CASTOR1: variants seen among roughly 807,000 people sequenced by gnomAD.
CASTOR1 encodes the protein GATS protein like 3.
A neutral mutation model predicts 33.7 loss-of-function variants in CASTOR1; 18 were observed. The ratio of observed to expected loss-of-function variants is 0.53; its 90% confidence interval spans 0.37 to 0.79. The LOEUF (loss-of-function observed/expected upper bound fraction) is 0.79, where lower values mean the gene tolerates loss of function less well. Among genes scored for constraint, CASTOR1 ranks in the 30% least tolerant of loss-of-function variants. The pLI is 0.00. For synonymous variants in CASTOR1, 175 were observed against 190.6 expected, an observed-to-expected ratio of 0.92 and a Z score of 0.67; for missense variants, 362 against 446.3, an observed-to-expected ratio of 0.81 and a Z score of 1.70.
chr22:30,285,985 C>T (rs1273484971), intron 7 of CASTOR1, 31 bp downstream of exon 7: 3 of 1,581,656 alleles, frequency 1.9e-6, no homozygotes, highest in East Asian at 2.3e-5. Flanking sequence ...CAGACACTCC[C>T]CAGCCCCCCA....
Position 30,289,505 on chromosome 22 carries a change from C to G in CASTOR1, c.-8G>C, listed in dbSNP as rs763952194. The G allele has an allele frequency of 6.5e-7, 1 of 1,543,158 alleles. No homozygotes were observed. The highest frequency in any genetic ancestry group is 8.7e-7 in the Non-Finnish European group (1 of 1,151,702). ...TAGGATGTGCAGCTCCATCGCGGCT[C>G]GCGCGGACCCGACCCCGCCGCCAAC... On this transcript the variant is annotated 5_prime_UTR_variant, in exon 1 of 9. Transcript: ENST00000407689.
At position 30,287,262 on chromosome 22, in the gene CASTOR1, A is replaced by T; in HGVS notation, c.398T>A (p.Val133Glu). Residue 133 changes from valine (V) to glutamate (E), a missense_variant, in exon 4 of 9, where the codon GTG becomes GAG. By Grantham distance (121) the Val-to-Glu change is moderately radical. Coordinates refer to ENST00000407689, the MANE Select transcript of CASTOR1 (RefSeq NM_001037666.3). ...GAACTCCTGGGCCAGCGTGTGGATC[A>T]CCACGGACAGGTCCTGCTCCCGCAC... is the stretch of plus-strand genomic sequence containing the variant. ...ILVREQDLSV[V>E]IHTLAQEFDI... 6.3e-7 allele frequency: 1 copy of T among 1,577,846 alleles called. No homozygotes were observed. Among genetic ancestry groups the T allele is most frequent in the Non-Finnish European group, 8.6e-7 (1 of 1,158,456 alleles).
Position 30,286,781 on chromosome 22 carries a change from AG to A in CASTOR1, c.629+43del, listed in dbSNP as rs775389704. The A allele has an allele frequency of 1.1e-5, 18 of 1,612,862 alleles. No individual in the cohort carries two copies. The South Asian group carries it at 1.4e-4, about 13-fold the overall frequency. On this transcript the variant is annotated intron_variant, in intron 5 of 8. Transcript: ENST00000407689. The stretch of plus-strand genomic sequence containing the variant: ...GGCGGAAAGTGGTGGGACAGAGTGT[AG>A]GGAACAGTGCTGTGAGGACAAAGAC...
chr22:30,285,392 G>T lies in CASTOR1; in HGVS notation c.*228C>A. On this transcript the variant is annotated 3_prime_UTR_variant, in exon 9 of 9. Transcript: ENST00000407689. Reference sequence around the variant, plus strand: ...TAAGCCCCGAGCACCGTGTTCCCCTGCATGGGCAGACACGCAGTCAGGCTA... The same window carrying T: ...TAAGCCCCGAGCACCGTGTTCCCCTTCATGGGCAGACACGCAGTCAGGCTA... 2.0e-6 allele frequency: 1 copy of T among 491,002 alleles called. No homozygotes were observed. The highest frequency in any genetic ancestry group is 3.6e-6 in the Non-Finnish European group (1 of 278,606). The allele number at this position is 491,002 out of a possible 1,614,324, so 30.4% of individuals were successfully genotyped here. A position where few individuals can be genotyped will look rare whatever the true frequency, so the allele number is the denominator to read the frequency against.
chr22:30,286,833 G>A lies in CASTOR1; in HGVS notation c.621C>T (p.Tyr207=). 1 of 1,614,092 alleles carries A rather than the reference G, an allele frequency of 6.2e-7. No homozygotes were observed. The highest frequency in any genetic ancestry group is 8.5e-7 in the Non-Finnish European group (1 of 1,180,008). The change falls in exon 5 of 9, where the codon TAC becomes TAT. Residue 207 remains tyrosine, a synonymous_variant. Coordinates refer to ENST00000407689, the MANE Select transcript of CASTOR1 (RefSeq NM_001037666.3). ...GAAGTTCCAAGGTCCACCTGTGCGA[G>A]TAGAAGAGGACATCTATGAGGGTGG... ...IATTLIDVLF[Y]SHSTPKEAAS... is the part of the protein sequence containing the mutation.
At chr22:30,289,201 G>A in intron 1 of CASTOR1, 184 bp downstream of exon 1, 1 of 591,758 alleles carries the variant, frequency 1.7e-6, no homozygotes, top group Middle Eastern at 4.3e-4. Flanking sequence ...CTGGGAGGGG[G>A]CCTCACGGGG....
chr22:30,287,698 C>T, intron 2 of CASTOR1, 138 bp from the exon 3 acceptor site: 2 of 822,560 alleles, frequency 2.4e-6, no homozygotes, highest in Admixed American at 2.1e-5. Context: ...CCTGAAGTCC[C>T]TATGTGTGCA....
In CASTOR1 at chr22:30,285,541, T is replaced by C. The variant is rs550145464; in HGVS notation, c.*79A>G. On this transcript the variant is annotated 3_prime_UTR_variant, in exon 9 of 9. Transcript: ENST00000407689. ...CAGAACAGGGGGCTCGTTCCAGAGC[T>C]TAAGGAAATAGCTTAGAGAAGTCTT... 6.6e-3 allele frequency: 7,819 copies of C among 1,180,730 alleles called. 36 individuals carry two copies. Among genetic ancestry groups the C allele is most frequent in the Middle Eastern group, 9.2e-3 (33 of 3,604 alleles). The allele number at this position is 1,180,730 out of a possible 1,614,324, so 73.1% of individuals were successfully genotyped here.
At chr22:30,288,851 C>A in intron 1 of CASTOR1, 75 bp from the exon 2 acceptor site, 1 of 1,249,304 alleles carries the variant, frequency 8.0e-7, no homozygotes, top group Non-Finnish European at 1.1e-6. Flanking sequence ...CTCCATCTGC[C>A]CCGAGACACC....
intron 2 of CASTOR1, 23 bp from the exon 3 acceptor site, chr22:30,287,583 G>A (rs536912538): frequency 5.7e-6 from 9 of 1,592,120 alleles, no homozygotes; most frequent in Non-Finnish European, 7.7e-6. Context: ...GACATGTCAG[G>A]TCAGGGTCTA....
intron 2 of CASTOR1, chr22:30,287,952 T>A (rs1341765214): frequency 4.3e-6 from 2 of 469,426 alleles, no homozygotes; most frequent in African/African-American, 3.9e-5. Flanking sequence ...CCAGGGGGCA[T>A]TCGCAGATCA....
intron 2 of CASTOR1, chr22:30,287,833 G>A: frequency 1.5e-6 from 1 of 654,912 alleles, no homozygotes; most frequent in Non-Finnish European, 2.8e-6. Flanking sequence ...TATGACCTGG[G>A]GTGGGTGATT....
At chr22:30,288,603 AG>A in intron 2 of CASTOR1, 102 bp downstream of exon 2, 1 of 980,686 alleles carries the variant, frequency 1.0e-6, no homozygotes, top group Non-Finnish European at 1.6e-6. Context: ...TCTGCTTTTA[AG>A]GCTTAAGCTC....
chr22:30,289,116 T>C, intron 1 of CASTOR1: 2 of 566,394 alleles, frequency 3.5e-6, no homozygotes, highest in Non-Finnish European at 3.1e-6. Flanking sequence ...CTCCCCGCAG[T>C]GACCAGGTAG....
At chr22:30,286,547 G>C (rs748605286) in intron 5 of CASTOR1, 171 bp from the exon 6 acceptor site, 32 of 659,390 alleles carry the variant, frequency 4.9e-5, no homozygotes, top group African/African-American at 7.2e-5. Flanking sequence ...GGGTGGGGAT[G>C]GGGGAGGACA....
chr22:30,287,319 C>A, intron 3 of CASTOR1, 32 bp from the exon 4 acceptor site: 1 of 1,578,404 alleles, frequency 6.3e-7, no homozygotes, highest in Non-Finnish European at 8.6e-7. Context: ...ATCACATGGG[C>A]TCCCAGGTAC....
chr22:30,286,641 G>T, intron 5 of CASTOR1, 184 bp downstream of exon 5: 1 of 796,396 alleles, frequency 1.3e-6, no homozygotes, highest in Non-Finnish European at 2.1e-6. Context: ...CCACTGGAAA[G>T]GGATCCAGCT....
intron 2 of CASTOR1, chr22:30,287,791 TG>T: frequency 2.9e-6 from 2 of 693,418 alleles, no homozygotes; most frequent in Middle Eastern, 4.7e-4. Flanking sequence ...CAGACAGACC[TG>T]GGTTCAAATC....
At chr22:30,288,832 T>A in intron 1 of CASTOR1, 56 bp from the exon 2 acceptor site, 1 of 1,451,348 alleles carries the variant, frequency 6.9e-7, no homozygotes, top group Non-Finnish European at 9.5e-7. Flanking sequence ...GGGTCGGGAG[T>A]GGATTTCTCT....
Sources: allele counts gnomAD v4.1 joint callset, GRCh38; gene constraint gnomAD v4.1.1; transcripts MANE v1.5; gene names NCBI Gene and HGNC (gene_info 2026-07-23, HGNC 2026-07-21).